NBAS: variants seen among roughly 807,000 people sequenced by gnomAD.
NBAS encodes the protein NBAS subunit of NRZ tethering complex.
In NBAS, 219 loss-of-function variants were observed where a neutral mutation model predicts 302.5. That is an observed-to-expected ratio of 0.72 (90% confidence interval 0.65 to 0.81). NBAS has a LOEUF of 0.81. NBAS is among the 30% of genes least tolerant of loss of function. The probability of loss-of-function intolerance (pLI) is 0.00; values close to 1 mark genes in which losing one functional copy is unlikely to be tolerated. For missense variants in NBAS, 2,932 were observed against 2,841.6 expected, an observed-to-expected ratio of 1.03 and a Z score of -0.72; for synonymous variants, 1,118 against 1,021.6, an observed-to-expected ratio of 1.09 and a Z score of -1.80.
At chr2:15,062,499 A>G in the NBAS span, among the ~76,000 whole-genome samples, 3 of 152,198 alleles carry the variant, frequency 2.0e-5, no homozygotes, top group Non-Finnish European at 4.4e-5. Context: ...AAATGTTTAG[A>G]AATGCTCGAA....
chr2:15,166,988 T>C lies in NBAS; in HGVS notation c.*60A>G. 3 of 1,497,660 alleles carry C rather than the reference T, an allele frequency of 2.0e-6. No individual in the cohort carries two copies. The highest frequency in any genetic ancestry group is 2.7e-6 in the Non-Finnish European group (3 of 1,121,496). 92.8% of individuals were successfully genotyped at this position (1,497,660 alleles called of 1,614,324 possible). ...AATCGGCAGATACACATGTTGCTTC[T>C]GGGAACAGCATTCAACTCCAGATGC... On this transcript the variant is annotated 3_prime_UTR_variant, in exon 52 of 52. Transcript: ENST00000281513.
At chr2:15,552,691 G>A (rs1390178582) in intron 5 of NBAS, among the ~76,000 whole-genome samples, 1 of 152,102 alleles carries the variant, frequency 6.6e-6, no homozygotes, top group Non-Finnish European at 1.5e-5. Flanking sequence ...AATGTCTCAA[G>A]AGGACAGACA....
chr2:15,115,557 G>A, the NBAS span, among the ~76,000 whole-genome samples: 1 of 152,156 alleles, frequency 6.6e-6, no homozygotes, highest in Non-Finnish European at 1.5e-5. Context: ...GCTGAGTGCA[G>A]TGGTACAATC....
chr2:15,233,132 G>A (rs1667450801), intron 46 of NBAS, among the ~76,000 whole-genome samples: 1 of 152,074 alleles, frequency 6.6e-6, no homozygotes, highest in Admixed American at 6.6e-5. Flanking sequence ...GTTATTTCGT[G>A]CCTACTACAT....
the NBAS span, among the ~76,000 whole-genome samples, chr2:14,942,937 G>C: frequency 6.6e-6 from 1 of 152,206 alleles, no homozygotes; most frequent in Non-Finnish European, 1.5e-5. Context: ...CAAAAGGAGA[G>C]CCAGGGACCT....
At chr2:14,874,484 C>CA in the NBAS span, among the ~76,000 whole-genome samples, 2 of 130,366 alleles carry the variant, frequency 1.5e-5, no homozygotes, top group East Asian at 2.3e-4. Context: ...AAAAAAAATA[C>CA]AAAAAATGAG....
chr2:15,342,057 A>G (rs760340372), intron 35 of NBAS, among the ~76,000 whole-genome samples: 7 of 152,210 alleles, frequency 4.6e-5, no homozygotes, highest in Non-Finnish European at 1.0e-4. Flanking sequence ...TATCAACAGT[A>G]AACAAAACAA....
At chr2:14,823,398 G>A in the NBAS span, among the ~76,000 whole-genome samples, 3 of 152,054 alleles carry the variant, frequency 2.0e-5, no homozygotes, top group African/African-American at 7.3e-5. Flanking sequence ...AATAATAGTT[G>A]GCTTTTATAA....
intron 45 of NBAS, among the ~76,000 whole-genome samples, chr2:15,236,527 CAAAAAAAAAAAAA>C (rs1167993098): frequency 1.1e-4 from 3 of 28,304 alleles, no homozygotes; most frequent in East Asian, 1.1e-3. Flanking sequence ...GACCCTGTCT[CAAAAAAAAAAAAA>C]AAAAAAAAAA....
the NBAS span, among the ~76,000 whole-genome samples, chr2:15,001,270 T>TTA: frequency 3.6e-3 from 549 of 152,126 alleles, 10 homozygotes; most frequent in African/African-American, 4.9e-3. Flanking sequence ...GAGAGATATG[T>TTA]TATATATATA....
the NBAS span, among the ~76,000 whole-genome samples, chr2:14,962,682 T>C: frequency 6.6e-6 from 1 of 152,142 alleles, no homozygotes; most frequent in African/African-American, 2.4e-5. Context: ...CTATTCAAAA[T>C]ACAGTAACCA....
At chr2:14,856,818 G>T in the NBAS span, among the ~76,000 whole-genome samples, 1 of 151,864 alleles carries the variant, frequency 6.6e-6, no homozygotes, top group Admixed American at 6.5e-5. Context: ...TAGCCTCAAC[G>T]GGGCAAATAT....
intron 12 of NBAS, among the ~76,000 whole-genome samples, chr2:15,486,583 C>T (rs1446527989): frequency 6.6e-6 from 1 of 152,194 alleles, no homozygotes; most frequent in Non-Finnish European, 1.5e-5. Flanking sequence ...AACTTCTAGC[C>T]TGAATGCCTC....
chr2:15,549,275 T>G (rs184165281), intron 6 of NBAS, among the ~76,000 whole-genome samples: 2 of 152,230 alleles, frequency 1.3e-5, no homozygotes, highest in East Asian at 1.9e-4. Context: ...TAGAATAGTG[T>G]TTTTTTAATG....
At chr2:15,013,750 C>T in the NBAS span, among the ~76,000 whole-genome samples, 12 of 152,300 alleles carry the variant, frequency 7.9e-5, no homozygotes, top group South Asian at 2.1e-3. Context: ...CACCACTGCA[C>T]ACCCTGCCTG....
At chr2:15,214,085 C>A (rs1666544536) in intron 48 of NBAS, among the ~76,000 whole-genome samples, 1 of 152,174 alleles carries the variant, frequency 6.6e-6, no homozygotes, top group Non-Finnish European at 1.5e-5. Context: ...GCTTGCATGT[C>A]AGGGGGAAGT....
chr2:15,245,512 C>G (rs1035541637), intron 44 of NBAS, among the ~76,000 whole-genome samples: 3 of 152,282 alleles, frequency 2.0e-5, no homozygotes, highest in Admixed American at 2.0e-4. Context: ...TCCTAATTGA[C>G]ATACTGGGCT....
chr2:15,125,418 C>T, the NBAS span, among the ~76,000 whole-genome samples: 30 of 152,102 alleles, frequency 2.0e-4, no homozygotes, highest in Admixed American at 2.0e-3. Context: ...CTAGATCTCA[C>T]AAGAACTTAC....
intron 46 of NBAS, among the ~76,000 whole-genome samples, chr2:15,233,335 G>A (rs906086390): frequency 6.6e-6 from 1 of 152,180 alleles, no homozygotes; most frequent in Admixed American, 6.5e-5. Flanking sequence ...TTTAGTGGTA[G>A]AATTGGATGC....
Sources: allele counts gnomAD v4.1 joint callset (sites outside exome capture counted in the v4.1 genomes callset), GRCh38; gene constraint gnomAD v4.1.1; transcripts MANE v1.5; gene names NCBI Gene and HGNC (gene_info 2026-07-23, HGNC 2026-07-21).